The following SOX5 variants were observed in gnomAD, a reference collection of about 807,000 sequenced individuals.
SOX5 encodes the protein SRY-box transcription factor 5.
Under a neutral mutation model 92.0 loss-of-function variants are expected in SOX5, and 9 were observed. The ratio of observed to expected loss-of-function variants is 0.10; its 90% CI spans 0.06 to 0.17. SOX5 has a LOEUF of 0.17. SOX5 is among the 10% of genes least tolerant of loss of function. SOX5 has a pLI of 1.00. For synonymous variants in SOX5, 344 were observed against 336.3 expected (o/e 1.02, Z -0.25); for missense variants, 642 against 944.5 (o/e 0.68, Z 4.20).
At chr12:23,767,304 T>C (rs566367582) in intron 3 of SOX5, among the ~76,000 whole-genome samples, 1 of 152,108 alleles carries the variant, frequency 6.6e-6, no homozygotes, top group Non-Finnish European at 1.5e-5. Context: ...CATATGTTTA[T>C]GTAAGTTGCA....
chr12:24,377,996 C>T (rs1373639377), intron 1 of SOX5, among the ~76,000 whole-genome samples: 1 of 152,198 alleles, frequency 6.6e-6, no homozygotes, highest in Admixed American at 6.5e-5. Context: ...TGTAAAAACT[C>T]CATTCCTTAC....
chr12:24,388,000 G>A (rs1024769785), intron 1 of SOX5, among the ~76,000 whole-genome samples: 1 of 152,120 alleles, frequency 6.6e-6, no homozygotes, highest in Non-Finnish European at 1.5e-5. Flanking sequence ...GATCACAGCT[G>A]GCCAAACGAT....
At chr12:23,757,618 G>C (rs1594104408) in intron 3 of SOX5, among the ~76,000 whole-genome samples, 7 of 151,782 alleles carry the variant, frequency 4.6e-5, no homozygotes, top group South Asian at 4.1e-4. Flanking sequence ...TGTAAACAGG[G>C]CACAGCCAAT....
intron 1 of SOX5, among the ~76,000 whole-genome samples, chr12:24,511,237 T>C (rs1949275508): frequency 6.6e-6 from 1 of 152,258 alleles, no homozygotes; most frequent in African/African-American, 2.4e-5. Flanking sequence ...GTAAATATTC[T>C]AATTTATTTT....
At position 23,661,171 on chromosome 12, in the gene SOX5, G is replaced by A. The variant is rs1020586324; in HGVS notation, c.931+4273C>T. ...TTTTATCGGATTTTGCCAATCATGC[G>A]GATTTTTAAAATTTCCACATAAAAT... On this transcript the variant is annotated intron_variant, in intron 7 of 14. Transcript: ENST00000451604. Among the ~76,000 whole-genome samples, 12 of 152,054 alleles carry A rather than the reference G, an allele frequency of 7.9e-5. No homozygotes were observed. In the East Asian group the frequency reaches 1.2e-3, roughly 15 times the overall value.
chr12:24,295,118 T>C (rs1242387034), intron 2 of SOX5, among the ~76,000 whole-genome samples: 1 of 147,690 alleles, frequency 6.8e-6, no homozygotes, highest in Non-Finnish European at 1.5e-5. Context: ...AAATAAATTT[T>C]TATAAGTATA....
At chr12:23,921,274 T>C (rs1938180228) in intron 1 of SOX5, among the ~76,000 whole-genome samples, 1 of 151,884 alleles carries the variant, frequency 6.6e-6, no homozygotes, top group East Asian at 1.9e-4. Flanking sequence ...CGTTCATAAG[T>C]AGAATTTAAA....
intron 4 of SOX5, among the ~76,000 whole-genome samples, chr12:24,176,977 G>GTTTTTTTTTTTTTTT (rs11295163): frequency 1.5e-5 from 2 of 135,100 alleles, no homozygotes; most frequent in Non-Finnish European, 1.6e-5. Context: ...TTTGTTTTTT[G>GTTTTTTTTTTTTTTT]TTTTTTTTTT....
At chr12:24,326,683 G>A (rs928088973) in intron 2 of SOX5, among the ~76,000 whole-genome samples, 2 of 151,802 alleles carry the variant, frequency 1.3e-5, no homozygotes, top group Non-Finnish European at 2.9e-5. Flanking sequence ...CCTTTTTCAG[G>A]TGGCATCCTA....
intron 1 of SOX5, among the ~76,000 whole-genome samples, chr12:24,469,329 T>C (rs1944548962): frequency 6.6e-6 from 1 of 152,166 alleles, no homozygotes; most frequent in African/African-American, 2.4e-5. Context: ...CGTGGCCAAG[T>C]TCCTAACAGA....
chr12:23,838,452 C>CA (rs1457198105), intron 3 of SOX5, among the ~76,000 whole-genome samples: 4 of 151,752 alleles, frequency 2.6e-5, no homozygotes, highest in Non-Finnish European at 4.4e-5. Flanking sequence ...AAGTACATGT[C>CA]AAAGAATCTT....
intron 3 of SOX5, among the ~76,000 whole-genome samples, chr12:23,825,624 T>G (rs1346258316): frequency 1.3e-5 from 2 of 152,186 alleles, no homozygotes; most frequent in Admixed American, 1.3e-4. Context: ...TTGGCAAAAT[T>G]TTGTCCTGTG....
At chr12:23,534,776 C>T (rs1360371918) in intron 14 of SOX5, among the ~76,000 whole-genome samples, 2 of 137,576 alleles carry the variant, frequency 1.5e-5, no homozygotes, top group Non-Finnish European at 3.0e-5. Flanking sequence ...ATGGCGTGAT[C>T]TTGCCTCACT....
At chr12:24,317,809 C>G (rs1180064797) in intron 2 of SOX5, among the ~76,000 whole-genome samples, 1 of 152,206 alleles carries the variant, frequency 6.6e-6, no homozygotes. Context: ...TCTTTGTTAA[C>G]ACTCTCAATG....
intron 6 of SOX5, among the ~76,000 whole-genome samples, chr12:23,730,865 T>C (rs745855366): frequency 2.0e-5 from 3 of 152,170 alleles, no homozygotes; most frequent in Non-Finnish European, 2.9e-5. Flanking sequence ...TGATTAATTA[T>C]ACGTGTCCAG....
chr12:23,530,853 GAA>G lies in SOX5; in HGVS notation c.*3364_*3365del, dbSNP rs1397057451. The G allele has an allele frequency of 6.6e-5, 10 of 150,610 alleles. No homozygotes were observed. Among genetic ancestry groups the G allele is most frequent in the South Asian group, 2.1e-4 (1 of 4,710 alleles). The allele number at this position is 150,610 out of a possible 1,614,324, so 9.3% of individuals were successfully genotyped here. On this transcript the variant is annotated 3_prime_UTR_variant, in exon 15 of 15. Transcript: ENST00000451604. Reference sequence around the variant, plus strand: ...CGCGCGCGCATGTGAGAGAGAGAGAGAAAGGGAAAGAGATAAAGTGTGAACAG... The same window carrying G: ...CGCGCGCGCATGTGAGAGAGAGAGAGAGGGAAAGAGATAAAGTGTGAACAG...
intron 4 of SOX5, among the ~76,000 whole-genome samples, chr12:24,166,335 C>T (rs565740493): frequency 1.2e-4 from 18 of 152,234 alleles, no homozygotes; most frequent in African/African-American, 4.3e-4. Context: ...GATGTTCAGC[C>T]AGCCAATGAA....
intron 2 of SOX5, among the ~76,000 whole-genome samples, chr12:23,847,107 C>T (rs1440523406): frequency 6.6e-6 from 1 of 151,892 alleles, no homozygotes; most frequent in Non-Finnish European, 1.5e-5. Context: ...TAGAAATTAT[C>T]AGGAGGAGTG....
chr12:24,381,325 T>A (rs554866055), intron 1 of SOX5, among the ~76,000 whole-genome samples: 2 of 152,382 alleles, frequency 1.3e-5, no homozygotes, highest in Non-Finnish European at 1.5e-5. Context: ...GATTTTAGAA[T>A]GTTTCTTTCA....
Sources: gnomAD v4.1 joint callset for allele counts (sites outside exome capture counted in the v4.1 genomes callset) on GRCh38, gnomAD v4.1.1 for gene constraint, MANE v1.5 for transcripts, NCBI Gene and HGNC (gene_info 2026-07-23, HGNC 2026-07-21) for gene names.